Variants in KIF26B observed in about 807,000 individuals in gnomAD.
KIF26B encodes kinesin-like protein KIF26B.
KIF26B carries 63 observed loss-of-function variants against 151.2 expected under a neutral mutation model. The ratio of observed to expected loss-of-function variants is 0.42; its 90% CI spans 0.34 to 0.51. The LOEUF (loss-of-function observed/expected upper bound fraction) is 0.51. Ranked by LOEUF, KIF26B falls within the 20% of genes least tolerant of loss-of-function variation. KIF26B has a pLI of 0.07. For synonymous variants in KIF26B, 1,357 were observed against 1,262.1 expected (o/e 1.08, Z -1.59); for missense variants, 2,813 against 2,913.6 (o/e 0.97, Z 0.79).
chr1:245,160,543 A>G (rs912985062), intron 2 of KIF26B, among the ~76,000 whole-genome samples: 1 of 152,212 alleles, frequency 6.6e-6, no homozygotes, highest in Non-Finnish European at 1.5e-5. Context: ...GGCAAGTCCT[A>G]CGAAACAACA....
intron 2 of KIF26B, among the ~76,000 whole-genome samples, chr1:245,245,516 C>T (rs1330333235): frequency 6.6e-6 from 1 of 152,144 alleles, no homozygotes; most frequent in Non-Finnish European, 1.5e-5. Flanking sequence ...AGCGGCCGGG[C>T]GCAGTGGCTC....
intron 5 of KIF26B, among the ~76,000 whole-genome samples, chr1:245,553,322 A>G (rs953555136): frequency 1.3e-5 from 2 of 152,166 alleles, no homozygotes; most frequent in African/African-American, 2.4e-5. Flanking sequence ...CTGTCTCTCT[A>G]TAGGCACCTT....
chr1:245,213,517 C>T (rs557807275), intron 2 of KIF26B, among the ~76,000 whole-genome samples: 3 of 152,150 alleles, frequency 2.0e-5, no homozygotes, highest in East Asian at 3.9e-4. Context: ...TCCAGGCAGA[C>T]CTAAAGCAGA....
Position 245,709,115 on chromosome 1 carries a change from C to A in KIF26B, c.*6509C>A, listed in dbSNP as rs895603300. ...GAAATTCAACTCTTCTGTACTTGGGCAGGTCCCAGCAGCCCCTTGGCAGGC... is the reference window on the plus strand; with the variant it reads ...GAAATTCAACTCTTCTGTACTTGGGAAGGTCCCAGCAGCCCCTTGGCAGGC... On this transcript the variant is annotated 3_prime_UTR_variant, in exon 15 of 15. Transcript: ENST00000407071. 6.6e-6 allele frequency: 1 copy of A among 152,226 alleles called. No homozygotes were observed. Among genetic ancestry groups the A allele is most frequent in the African/African-American group, 2.4e-5 (1 of 41,456 alleles). The allele number at this position is 152,226 out of a possible 1,614,324, so 9.4% of individuals were successfully genotyped here.
At position 245,167,026 on chromosome 1, in the gene KIF26B, G is replaced by A. The variant is rs1157520432; in HGVS notation, c.465+10343G>A. ...CTTAAGTGTTATAGACCAGGTTACA[G>A]CTGAGGGACTATTTTGATTTTCCTT... On this transcript the variant is annotated intron_variant, in intron 2 of 14. Coordinates refer to ENST00000407071, the MANE Select transcript of KIF26B (RefSeq NM_018012.4). The surrounding 1 kb of genome is among the most constrained non-coding windows in gnomAD (Gnocchi z 4.2). 2.6e-5 allele frequency among the ~76,000 whole-genome samples: 4 copies of A among 152,204 alleles called. No individual in the cohort carries two copies. The highest frequency in any genetic ancestry group is 9.7e-5 in the African/African-American group (4 of 41,446).
chr1:245,350,286 C>G (rs1297808414), intron 2 of KIF26B, among the ~76,000 whole-genome samples: 1 of 152,148 alleles, frequency 6.6e-6, no homozygotes, highest in Non-Finnish European at 1.5e-5. Flanking sequence ...CTCCTTCTTT[C>G]TACTGGAGGT....
chr1:245,623,546 G>A (rs983060499), intron 9 of KIF26B, among the ~76,000 whole-genome samples: 3 of 152,146 alleles, frequency 2.0e-5, no homozygotes, highest in Admixed American at 6.6e-5. Context: ...AAGTACTAAA[G>A]GTTGAGCATC....
chr1:245,659,136 G>A (rs2044105233), intron 10 of KIF26B, among the ~76,000 whole-genome samples: 1 of 152,100 alleles, frequency 6.6e-6, no homozygotes, highest in African/African-American at 2.4e-5. Flanking sequence ...TACTCGGCAG[G>A]CTGAGGTGGG....
rs1436785633 is a variant in KIF26B at position 245,352,061 on chromosome 1, G to A, written c.466-14773G>A. On this transcript the variant is annotated intron_variant, in intron 2 of 14. Coordinates refer to ENST00000407071, the MANE Select transcript of KIF26B (RefSeq NM_018012.4). The surrounding 1 kb of genome is among the most constrained non-coding windows in gnomAD (Gnocchi z 5.0). ...TGAAAGTTTTAGAATGTGGCTGTGT[G>A]TGTGAGAGAGATCGTCCCTCAATCT... is the stretch of plus-strand genomic sequence containing the variant. Among the ~76,000 whole-genome samples the A allele has an allele frequency of 1.3e-5, 2 of 152,214 alleles. No individual in the cohort carries two copies. The highest frequency in any genetic ancestry group is 2.4e-5 in the African/African-American group (1 of 41,456).
In KIF26B at chr1:245,374,094, AATATATATATATATATATATATATATAT is replaced by A. The variant is rs74163045; in HGVS notation, c.999+6744_999+6771del. 3.0e-3 allele frequency among the ~76,000 whole-genome samples: 67 copies of A among 22,212 alleles called. 5 individuals carry two copies. Among genetic ancestry groups the A allele is most frequent in the African/African-American group, 3.5e-3 (22 of 6,270 alleles). The allele number at this position is 22,212 out of a possible 152,430, so 14.6% of individuals were successfully genotyped here. A position where few individuals can be genotyped will look rare whatever the true frequency, so the allele number is the denominator to read the frequency against. ...AAAAAAAAAAAAAAAAAAAAAAAAA[AATATATATATATATATATATATATATAT>A]ATATATATATATATATGGGCACAAA... is the stretch of plus-strand genomic sequence containing the variant. On this transcript the variant is annotated intron_variant, in intron 3 of 14. Transcript: ENST00000407071.
In KIF26B at chr1:245,366,902, C is replaced by A. The variant is rs371384388; in HGVS notation, c.534C>A (p.Asn178Lys). The A allele has an allele frequency of 1.2e-5, 19 of 1,613,934 alleles. No homozygotes were observed. The highest frequency in any genetic ancestry group is 1.6e-5 in the Non-Finnish European group (19 of 1,179,912). The part of the protein sequence containing the change: ...QVPNTIRKAW[N>K]DRDNRCDICA... ...CCAACACCATCCGGAAGGCATGGAA[C>A]GACCGGGACAACCGCTGTGACATTT... Residue 178 changes from asparagine (N) to lysine (K), a missense_variant, in exon 3 of 15, where the codon AAC (asparagine) becomes AAA (lysine). Asn to Lys is a moderately conservative substitution (Grantham distance 94, BLOSUM62 0). Coordinates refer to ENST00000407071, the MANE Select transcript of KIF26B (RefSeq NM_018012.4).
chr1:245,633,478 T>C (rs1407144068), intron 9 of KIF26B, among the ~76,000 whole-genome samples: 1 of 152,316 alleles, frequency 6.6e-6, no homozygotes, highest in East Asian at 1.9e-4. Context: ...TGGTAGTTTA[T>C]TGTAGTGATG....
intron 4 of KIF26B, among the ~76,000 whole-genome samples, chr1:245,467,457 C>T (rs902688401): frequency 3.9e-5 from 6 of 152,104 alleles, no homozygotes; most frequent in African/African-American, 9.7e-5. Flanking sequence ...CAGTGAAGCC[C>T]GTCAGTGTTT....
chr1:245,482,721 C>T (rs1178097450), intron 4 of KIF26B, among the ~76,000 whole-genome samples: 1 of 151,770 alleles, frequency 6.6e-6, no homozygotes, highest in African/African-American at 2.4e-5. Flanking sequence ...CCCCGCTTCC[C>T]TCCTACCCAG....
intron 4 of KIF26B, among the ~76,000 whole-genome samples, chr1:245,502,484 G>C (rs1660641320): frequency 6.9e-6 from 1 of 144,822 alleles, no homozygotes; most frequent in Non-Finnish European, 1.5e-5. Flanking sequence ...CCGAGATCCT[G>C]CCACTGCACT....
rs78797391 is a variant in KIF26B, at chr1:245,632,234, C to T, written c.2099-13887C>T. The stretch of plus-strand genomic sequence containing the variant: ...CGTAGGTTTAGGAATGGTGTTTTTC[C>T]ATTTTCATTTGTTTTAAGAAAAAAG... On this transcript the variant is annotated intron_variant, in intron 9 of 14. Transcript: ENST00000407071. Among the ~76,000 whole-genome samples the T allele has an allele frequency of 7.9e-3, 1,203 of 152,190 alleles. 17 individuals carry two copies. The highest frequency in any genetic ancestry group is 0.027 in the African/African-American group (1,114 of 41,520).
intron 3 of KIF26B, among the ~76,000 whole-genome samples, chr1:245,407,844 G>A (rs1315216434): frequency 6.6e-6 from 1 of 152,156 alleles, no homozygotes; most frequent in African/African-American, 2.4e-5. Flanking sequence ...TATTTACTTG[G>A]GGAGAGAGAC....
intron 12 of KIF26B, among the ~76,000 whole-genome samples, chr1:245,692,194 G>A (rs1054482434): frequency 6.6e-6 from 1 of 152,142 alleles, no homozygotes; most frequent in Non-Finnish European, 1.5e-5. Context: ...TGTGCTCTTA[G>A]AGCTTGGTGA....
intron 2 of KIF26B, among the ~76,000 whole-genome samples, chr1:245,303,232 T>TC (rs1671466238): frequency 7.0e-6 from 1 of 143,382 alleles, no homozygotes; most frequent in Non-Finnish European, 1.5e-5. Context: ...GGAGTCTCGC[T>TC]TTGTCGCCCA....
Sources: allele counts gnomAD v4.1 joint callset (sites outside exome capture counted in the v4.1 genomes callset), GRCh38; gene constraint gnomAD v4.1.1; non-coding constraint Gnocchi (gnomAD v3.1); transcripts MANE v1.5; gene names NCBI Gene and HGNC (gene_info 2026-07-23, HGNC 2026-07-21).